The following PABPC4L variants were observed in gnomAD, a reference collection of about 807,000 sequenced individuals.
The protein encoded by PABPC4L is polyadenylate-binding protein 4-like.
For missense variants in PABPC4L, 452 were observed against 451.4 expected (o/e 1.00, Z -0.01); for synonymous variants, 169 against 164.1 (o/e 1.03, Z -0.23).
At chr4:134,058,680 C>T in the PABPC4L span, among the ~76,000 whole-genome samples, 2 of 152,048 alleles carry the variant, frequency 1.3e-5, no homozygotes, top group African/African-American at 4.8e-5. Flanking sequence ...ATATTTACTC[C>T]TCTCATATCA....
the PABPC4L span, among the ~76,000 whole-genome samples, chr4:134,007,321 G>T: frequency 6.6e-6 from 1 of 150,550 alleles, no homozygotes; most frequent in African/African-American, 2.4e-5. Context: ...ATTTTGTTTT[G>T]TCATAAAATA....
the PABPC4L span, among the ~76,000 whole-genome samples, chr4:134,185,780 G>A: frequency 1.3e-5 from 2 of 152,120 alleles, no homozygotes; most frequent in Non-Finnish European, 2.9e-5. Context: ...TGTATCTTTA[G>A]AAAACCCCAT....
the PABPC4L span, among the ~76,000 whole-genome samples, chr4:134,182,774 C>A: frequency 6.6e-6 from 1 of 151,780 alleles, no homozygotes; most frequent in Non-Finnish European, 1.5e-5. Context: ...AACTAAACAA[C>A]CCCATTAAAA....
the PABPC4L span, among the ~76,000 whole-genome samples, chr4:133,987,404 C>T: frequency 6.6e-6 from 1 of 152,130 alleles, no homozygotes; most frequent in African/African-American, 2.4e-5. Context: ...AATTATTCTC[C>T]TATTTAAAGA....
the PABPC4L span, among the ~76,000 whole-genome samples, chr4:134,096,500 A>G: frequency 2.0e-5 from 3 of 151,990 alleles, no homozygotes; most frequent in African/African-American, 4.8e-5. Flanking sequence ...TTTTTTGTAC[A>G]TATTGTATAC....
chr4:134,143,804 C>T, the PABPC4L span, among the ~76,000 whole-genome samples: 1 of 151,142 alleles, frequency 6.6e-6, no homozygotes, highest in African/African-American at 2.4e-5. Context: ...AGTTACTTTC[C>T]TGGAATTTTA....
the PABPC4L span, among the ~76,000 whole-genome samples, chr4:134,153,809 A>ATT: frequency 4.4e-5 from 4 of 91,422 alleles, no homozygotes; most frequent in South Asian, 3.5e-4. Flanking sequence ...CCCTATGCCT[A>ATT]GTTTTTTTTT....
the PABPC4L span, among the ~76,000 whole-genome samples, chr4:134,085,662 A>C: frequency 1.3e-5 from 2 of 152,180 alleles, no homozygotes; most frequent in South Asian, 2.1e-4. Flanking sequence ...TATGTAGATG[A>C]AACCATGTGG....
the PABPC4L span, among the ~76,000 whole-genome samples, chr4:134,177,412 G>C: frequency 6.6e-6 from 1 of 151,928 alleles, no homozygotes; most frequent in African/African-American, 2.4e-5. Context: ...TTGAACTTGC[G>C]ATCCGCCCAC....
chr4:134,148,352 A>C, the PABPC4L span, among the ~76,000 whole-genome samples: 3 of 152,228 alleles, frequency 2.0e-5, no homozygotes, highest in East Asian at 5.8e-4. Flanking sequence ...GGGATGGTCA[A>C]AAATTTTTTA....
Position 134,198,925 on chromosome 4 carries a change from G to C in PABPC4L, c.*982C>G, listed in dbSNP as rs1729752768. On this transcript the variant is annotated 3_prime_UTR_variant, in exon 2 of 2. Coordinates refer to ENST00000421491, the MANE Select transcript of PABPC4L (RefSeq NM_001114734.2). ...CATAGCTGCCACATTCTAATAAAAGGAGATGTGAGTACATAAAAATAGAGG... is the reference window on the plus strand; with the variant it reads ...CATAGCTGCCACATTCTAATAAAAGCAGATGTGAGTACATAAAAATAGAGG... 1 of 151,894 alleles carries C rather than the reference G, an allele frequency of 6.6e-6. No homozygotes were observed. Among genetic ancestry groups the C allele is most frequent in the Non-Finnish European group, 1.5e-5 (1 of 67,864 alleles). 9.4% of individuals were successfully genotyped at this position (151,894 alleles called of 1,614,324 possible).
chr4:134,177,339 C>T, the PABPC4L span, among the ~76,000 whole-genome samples: 1 of 151,978 alleles, frequency 6.6e-6, no homozygotes, highest in Admixed American at 6.6e-5. Flanking sequence ...CCATGCCCAA[C>T]TAATTTTTGT....
chr4:134,178,816 C>A, the PABPC4L span, among the ~76,000 whole-genome samples: 1 of 151,944 alleles, frequency 6.6e-6, no homozygotes, highest in Non-Finnish European at 1.5e-5. Flanking sequence ...AAAACTGATC[C>A]TTTGAAATAA....
the PABPC4L span, among the ~76,000 whole-genome samples, chr4:134,026,309 C>T: frequency 4.0e-5 from 6 of 151,622 alleles, no homozygotes; most frequent in South Asian, 4.2e-4. Context: ...AATCTCGGCT[C>T]GCTGCAACAT....
chr4:133,994,905 T>C, the PABPC4L span, among the ~76,000 whole-genome samples: 333 of 152,306 alleles, frequency 2.2e-3, 1 homozygote, highest in African/African-American at 7.6e-3. Context: ...CTAGGACTAA[T>C]CCCACTGTTC....
chr4:134,063,352 C>T, the PABPC4L span, among the ~76,000 whole-genome samples: 1 of 152,130 alleles, frequency 6.6e-6, no homozygotes, highest in South Asian at 2.1e-4. Context: ...CTCATATCCT[C>T]TTGAACTCTC....
chr4:134,179,101 A>G, the PABPC4L span, among the ~76,000 whole-genome samples: 91 of 152,206 alleles, frequency 6.0e-4, no homozygotes, highest in Non-Finnish European at 8.5e-4. Flanking sequence ...TAGTCATTAG[A>G]TTTTCAAAGG....
At chr4:134,087,186 T>C in the PABPC4L span, among the ~76,000 whole-genome samples, 2 of 151,918 alleles carry the variant, frequency 1.3e-5, no homozygotes, top group East Asian at 3.9e-4. Context: ...AACCCAAATG[T>C]CCAACAATGA....
chr4:133,978,915 C>T, the PABPC4L span: 1 of 152,094 alleles, frequency 6.6e-6, no homozygotes, highest in South Asian at 2.1e-4. Flanking sequence ...ATTAACAAGA[C>T]AGTTTGTCAG....
Sources: allele counts gnomAD v4.1 joint callset (sites outside exome capture counted in the v4.1 genomes callset), GRCh38; gene constraint gnomAD v4.1.1; transcripts MANE v1.5; gene names NCBI Gene and HGNC (gene_info 2026-07-23, HGNC 2026-07-21).